The following ZNF3 variants were observed in gnomAD, a reference collection of about 807,000 sequenced individuals.
ZNF3 encodes the protein zinc finger protein 3, also known as C2-H2 type zinc finger protein.
In ZNF3, 16 loss-of-function variants were observed where a neutral mutation model predicts 36.9. The observed-to-expected ratio is 0.43, with a 90% confidence interval of 0.29 to 0.66. The LOEUF (loss-of-function observed/expected upper bound fraction) is 0.66, where lower values mean the gene tolerates loss of function less well. Among genes scored for constraint, ZNF3 ranks in the 30% least tolerant of loss-of-function variants. The pLI, the probability that ZNF3 is intolerant of heterozygous loss-of-function variation, is 0.13. For synonymous variants in ZNF3, 201 were observed against 201.9 expected (o/e 1.00, Z 0.04); for missense variants, 462 against 543.1 (o/e 0.85, Z 1.48).
At chr7:100,066,798 G>A (rs1792675662), downstream of ZNF3, among the ~76,000 whole-genome samples, 1 of 152,260 alleles carries the variant, frequency 6.6e-6, no homozygotes, top group Admixed American at 6.5e-5. Flanking sequence ...ACTTTGGGAG[G>A]TTGAGGCAGG....
rs763790248 is a variant in ZNF3 at position 100,064,530 on chromosome 7, G to A, written c.*258C>T. 21 of 1,614,152 alleles carry A rather than the reference G, an allele frequency of 1.3e-5. No homozygotes were observed. In the South Asian group the frequency reaches 2.3e-4, roughly 18 times the overall value. ...TCCACACCGGGGAAAAGCCCTACTG[G>A]TGTCATCACTGTGGAAAGACCTTCT... On this transcript the variant is annotated 3_prime_UTR_variant, in exon 6 of 6. Transcript: ENST00000413658.
chr7:100,067,917 CA>C (rs1394332419), downstream of ZNF3, among the ~76,000 whole-genome samples: 5 of 152,230 alleles, frequency 3.3e-5, no homozygotes, highest in Middle Eastern at 3.4e-3. Flanking sequence ...AGAAAACTTA[CA>C]AAATTTTGAT....
intron 3 of ZNF3, among the ~76,000 whole-genome samples, chr7:100,076,584 G>A (rs984241189): frequency 6.6e-6 from 1 of 152,088 alleles, no homozygotes; most frequent in South Asian, 2.1e-4. Context: ...GAGCCACCGC[G>A]CTCGGCCGCA....
At chr7:100,064,183 G>C in exon 6 of ZNF3, 1 of 1,614,102 alleles carries the variant, frequency 6.2e-7, no homozygotes, top group Non-Finnish European at 8.5e-7. Flanking sequence ...ACACTTGGTG[G>C]ACCGGCCCTA....
chr7:100,078,712 ACCAACCAACC>A (rs1794529694), intron 2 of ZNF3: 1 of 151,780 alleles, frequency 6.6e-6, no homozygotes, highest in African/African-American at 2.4e-5. Context: ...AACAAAACAA[ACCAACCAACC>A]CTGGATTTGA....
At chr7:100,069,939 A>C, downstream of ZNF3, 2 of 985,750 alleles carry the variant, frequency 2.0e-6, no homozygotes, top group Non-Finnish European at 2.4e-6. Context: ...ACTGAAATAT[A>C]TGGTCCAAAC....
chr7:100,066,534 T>C (rs933961052), downstream of ZNF3, among the ~76,000 whole-genome samples: 1 of 149,572 alleles, frequency 6.7e-6, no homozygotes, highest in Admixed American at 6.7e-5. Context: ...ATTGAGACCA[T>C]CCTGGCTAAC....
In ZNF3 at chr7:100,071,678, G is replaced by C. The variant is rs770084334; in HGVS notation, c.806C>G (p.Ser269Cys). The C allele has an allele frequency of 4.3e-6, 7 of 1,613,842 alleles. No individual in the cohort carries two copies. The highest frequency in any genetic ancestry group is 5.9e-6 in the Non-Finnish European group (7 of 1,179,946). ...GATCCTCCGATGCAGAATGAGGGCAGAGCTACAGCTGAAGGTTTTCCCACA... is the reference window on the plus strand; with the variant it reads ...GATCCTCCGATGCAGAATGAGGGCACAGCTACAGCTGAAGGTTTTCCCACA... ...SDCGKTFSCS[S>C]ALILHRRIHT... The change falls in exon 6 of 6, where the codon TCT (serine) becomes TGT (cysteine). Residue 269 changes from serine (S) to cysteine (C), a missense_variant. Physicochemically the swap from Ser to Cys is moderately radical, Grantham distance 112. Transcript: ENST00000299667.
chr7:100,072,789 A>G (rs1015869910), intron 5 of ZNF3, among the ~76,000 whole-genome samples: 6 of 152,220 alleles, frequency 3.9e-5, no homozygotes, highest in Non-Finnish European at 5.9e-5. Context: ...GGCCCTATGC[A>G]TAAAAGGCTA....
downstream of ZNF3, chr7:100,065,080 A>G (rs115143543): frequency 5.3e-5 from 52 of 973,384 alleles, no homozygotes; most frequent in African/African-American, 7.4e-4. Context: ...TGTGTTGGTT[A>G]TTGAATACTT....
At chr7:100,075,503 A>G in intron 4 of ZNF3, 39 bp downstream of exon 4, 1 of 1,611,842 alleles carries the variant, frequency 6.2e-7, no homozygotes, top group Non-Finnish European at 8.5e-7. Flanking sequence ...CATTGCACAG[A>G]AAATGGAAAG....
At chr7:100,080,972 C>T (rs1282642007) in intron 1 of ZNF3, among the ~76,000 whole-genome samples, 1 of 152,184 alleles carries the variant, frequency 6.6e-6, no homozygotes. Context: ...AGGTTCATCA[C>T]TCTGCTATCT....
chr7:100,075,857 C>T (rs1794019706), intron 3 of ZNF3, among the ~76,000 whole-genome samples: 1 of 152,192 alleles, frequency 6.6e-6, no homozygotes, highest in Non-Finnish European at 1.5e-5. Flanking sequence ...CCTGGTCATT[C>T]TTAGTCTCCA....
At position 100,070,633 on chromosome 7, in the gene ZNF3, A is replaced by C; in HGVS notation, c.*510T>G. ...CTCAATAAAATAATCCCTCAATGCC[A>C]AATTTCCATAATTAACGAAATCATG... On this transcript the variant is annotated 3_prime_UTR_variant, in exon 6 of 6. Coordinates refer to ENST00000299667, the MANE Select transcript of ZNF3 (RefSeq NM_032924.5). 1.0e-6 allele frequency: 1 copy of C among 989,794 alleles called. No individual in the cohort carries two copies. The highest frequency in any genetic ancestry group is 1.2e-6 in the Non-Finnish European group (1 of 832,350). The allele number at this position is 989,794 out of a possible 1,614,324, so 61.3% of individuals were successfully genotyped here. A position where few individuals can be genotyped will look rare whatever the true frequency, so the allele number is the denominator to read the frequency against.
At chr7:100,066,318 A>G (rs921645741), downstream of ZNF3, among the ~76,000 whole-genome samples, 4 of 152,128 alleles carry the variant, frequency 2.6e-5, no homozygotes, top group Non-Finnish European at 5.9e-5. Context: ...GCTCATGCCT[A>G]TAATCCCAGC....
intron 3 of ZNF3, 195 bp downstream of exon 3, chr7:100,077,108 T>G: frequency 1.7e-6 from 1 of 599,170 alleles, no homozygotes; most frequent in South Asian, 2.1e-5. Flanking sequence ...CTGCCTCAAT[T>G]ATCAAACCTA....
At chr7:100,069,578 G>A (rs1321086060), downstream of ZNF3, among the ~76,000 whole-genome samples, 1 of 148,186 alleles carries the variant, frequency 6.7e-6, no homozygotes, top group Non-Finnish European at 1.5e-5. Context: ...AAAAAATTAA[G>A]TCAACTTTCA....
At position 100,080,037 on chromosome 7, in the gene ZNF3, A is replaced by AG. The variant is rs1584464461; in HGVS notation, c.-197-382dup. Among the ~76,000 whole-genome samples the AG allele has an allele frequency of 2.0e-5, 3 of 152,240 alleles. No homozygotes were observed. The East Asian group carries it at 5.8e-4, about 29-fold the overall frequency. ...TTTCTAATCAAGACATTTAAAGAAAAGGAAAAAAAAGAGAATACTTATTAT... is the reference window on the plus strand; with the variant it reads ...TTTCTAATCAAGACATTTAAAGAAAAGGGAAAAAAAAGAGAATACTTATTAT... On this transcript the variant is annotated intron_variant, in intron 1 of 5. Transcript: ENST00000299667.
exon 6 of ZNF3, chr7:100,064,645 G>GT: frequency 6.2e-7 from 1 of 1,603,314 alleles, no homozygotes; most frequent in Non-Finnish European, 8.5e-7. Context: ...TGTTGTCGTT[G>GT]TTTTAAACTT....
Sources: gnomAD v4.1 joint callset for allele counts (sites outside exome capture counted in the v4.1 genomes callset) on GRCh38, gnomAD v4.1.1 for gene constraint, MANE v1.5 for transcripts, NCBI Gene and HGNC (gene_info 2026-07-23, HGNC 2026-07-21) for gene names.